PRKN: variants seen among roughly 807,000 people sequenced by gnomAD.
PRKN encodes parkin RBR E3 ubiquitin protein ligase, also known as E3 ubiquitin-protein ligase parkin.
In PRKN, 56 loss-of-function variants were observed where a neutral mutation model predicts 59.5. The ratio of observed to expected loss-of-function variants is 0.94; its 90% CI spans 0.76 to 1.18. The LOEUF (loss-of-function observed/expected upper bound fraction) is 1.18. PRKN is among the 50% of genes most tolerant of loss of function. PRKN has a pLI of 0.00. For synonymous variants in PRKN, 250 were observed against 222.1 expected (o/e 1.13, Z -1.12); for missense variants, 657 against 596.4 (o/e 1.10, Z -1.06).
intron 7 of PRKN, among the ~76,000 whole-genome samples, chr6:161,680,765 A>T (rs1239013357): frequency 0.084 from 914 of 10,840 alleles, 97 homozygotes; most frequent in African/African-American, 0.25. Flanking sequence ...ATATATATAT[A>T]TATATATATA....
chr6:161,873,551 C>A (rs1216400367), intron 6 of PRKN, among the ~76,000 whole-genome samples: 1 of 151,870 alleles, frequency 6.6e-6, no homozygotes, highest in Non-Finnish European at 1.5e-5. Flanking sequence ...ACGAGTCACA[C>A]TGACAGCCAG....
chr6:162,420,848 G>A (rs915936104), intron 2 of PRKN, among the ~76,000 whole-genome samples: 3 of 152,098 alleles, frequency 2.0e-5, no homozygotes, highest in Non-Finnish European at 2.9e-5. Flanking sequence ...AGTCAGCAGC[G>A]GTTGGAACTC....
Position 161,502,238 on chromosome 6 carries a change from C to A in PRKN, c.1083+46616G>T, listed in dbSNP as rs9365295. ...TTAAGTTTGCACTCTTTGGGAGAGGCACTACTCCTATCCCTATGTTATAGC... is the reference window on the plus strand; with the variant it reads ...TTAAGTTTGCACTCTTTGGGAGAGGAACTACTCCTATCCCTATGTTATAGC... On this transcript the variant is annotated intron_variant, in intron 9 of 11. Coordinates refer to ENST00000366898, the MANE Select transcript of PRKN (RefSeq NM_004562.3). This position sits in a 1 kb window ranked among gnomAD's most constrained non-coding sequence, Gnocchi z 4.0. Among the ~76,000 whole-genome samples the A allele has an allele frequency of 1.3e-5, 2 of 152,238 alleles. No homozygotes were observed. The highest frequency in any genetic ancestry group is 1.9e-4 in the East Asian group (1 of 5,164).
At chr6:161,861,123 A>G (rs1793879146) in intron 6 of PRKN, among the ~76,000 whole-genome samples, 1 of 152,226 alleles carries the variant, frequency 6.6e-6, no homozygotes, top group Admixed American at 6.5e-5. Flanking sequence ...ATAAAGACAC[A>G]TGCACACGTA....
intron 3 of PRKN, among the ~76,000 whole-genome samples, chr6:162,231,814 A>G (rs1319388280): frequency 6.6e-6 from 1 of 152,182 alleles, no homozygotes; most frequent in Non-Finnish European, 1.5e-5. Flanking sequence ...TACATCCCAG[A>G]GAGAGAAAAA....
rs200409552 is a variant in PRKN, at chr6:161,548,843, G to A, written c.1083+11C>T. Reference sequence around the variant, plus strand: ...GGAACACACCGCTCCAGGGGTGTGGGCAGTACTCACCCCACAGCCCAGGCC... The same window carrying A: ...GGAACACACCGCTCCAGGGGTGTGGACAGTACTCACCCCACAGCCCAGGCC... On this transcript the variant is annotated intron_variant, in intron 9 of 11. Transcript: ENST00000366898. The surrounding 1 kb of genome is among the most constrained non-coding windows in gnomAD (Gnocchi z 4.2). 8.7e-6 allele frequency: 14 copies of A among 1,613,212 alleles called. No homozygotes were observed. In the South Asian group the frequency reaches 1.5e-4, roughly 18 times the overall value.
chr6:161,505,241 A>G (rs1416117494), intron 9 of PRKN, among the ~76,000 whole-genome samples: 2 of 152,070 alleles, frequency 1.3e-5, no homozygotes, highest in Non-Finnish European at 2.9e-5. Flanking sequence ...ATGATATCTC[A>G]TTGTGGTTTT....
intron 1 of PRKN, among the ~76,000 whole-genome samples, chr6:162,460,717 A>C (rs1295222447): frequency 6.6e-6 from 1 of 152,192 alleles, no homozygotes; most frequent in African/African-American, 2.4e-5. Flanking sequence ...CTATTAGAGA[A>C]AACTGTAATC....
chr6:161,482,167 C>T (rs1476234994), intron 9 of PRKN, among the ~76,000 whole-genome samples: 1 of 152,046 alleles, frequency 6.6e-6, no homozygotes, highest in Non-Finnish European at 1.5e-5. Context: ...AAATAGATAA[C>T]ATAAAAACAA....
At chr6:162,282,287 G>A (rs111561849) in intron 2 of PRKN, among the ~76,000 whole-genome samples, 1,922 of 152,088 alleles carry the variant, frequency 0.013, 42 homozygotes, top group African/African-American at 0.041. Context: ...CCATATTACA[G>A]TCTTCAAACA....
At chr6:161,815,817 G>T (rs1030910431) in intron 6 of PRKN, among the ~76,000 whole-genome samples, 1 of 152,214 alleles carries the variant, frequency 6.6e-6, no homozygotes, top group African/African-American at 2.4e-5. Flanking sequence ...TGAGCAGAGA[G>T]AGCTGCACAG....
At chr6:161,874,796 ATGT>A (rs1794622099) in intron 6 of PRKN, among the ~76,000 whole-genome samples, 2 of 115,024 alleles carry the variant, frequency 1.7e-5, no homozygotes, top group African/African-American at 7.3e-5. Flanking sequence ...AATAAATAAA[ATGT>A]ATAAGATATA....
chr6:162,680,871 T>C (rs2128232671), intron 1 of PRKN, among the ~76,000 whole-genome samples: 1 of 152,296 alleles, frequency 6.6e-6, no homozygotes, highest in Non-Finnish European at 1.5e-5. Flanking sequence ...ATATTTAATA[T>C]AAACTGTTTT....
At chr6:162,550,861 C>A (rs1235530949) in intron 1 of PRKN, among the ~76,000 whole-genome samples, 1 of 152,096 alleles carries the variant, frequency 6.6e-6, no homozygotes, top group Non-Finnish European at 1.5e-5. Context: ...ACTGGAGTGG[C>A]GTGTGAGGTA....
At chr6:162,345,672 G>A (rs188669200) in intron 2 of PRKN, among the ~76,000 whole-genome samples, 1 of 152,172 alleles carries the variant, frequency 6.6e-6, no homozygotes, top group Non-Finnish European at 1.5e-5. Flanking sequence ...TTAGCATACA[G>A]AAATGCAATT....
chr6:161,753,349 G>GTGT (rs1223398042), intron 7 of PRKN, among the ~76,000 whole-genome samples: 7 of 152,214 alleles, frequency 4.6e-5, no homozygotes, highest in African/African-American at 1.7e-4. Flanking sequence ...GTGAGGATTA[G>GTGT]TGTTACTATC....
At chr6:162,249,230 A>C (rs576781561) in intron 3 of PRKN, among the ~76,000 whole-genome samples, 2 of 152,334 alleles carry the variant, frequency 1.3e-5, no homozygotes, top group African/African-American at 2.4e-5. Context: ...GCATCCTTCG[A>C]AAGGCAGAAA....
chr6:161,721,463 A>T (rs1466692501), intron 7 of PRKN, among the ~76,000 whole-genome samples: 1 of 152,180 alleles, frequency 6.6e-6, no homozygotes. Flanking sequence ...CTAAAAACGG[A>T]GATGCCAGAT....
chr6:162,697,892 G>C (rs991879155), intron 1 of PRKN, among the ~76,000 whole-genome samples: 9 of 152,128 alleles, frequency 5.9e-5, no homozygotes, highest in Non-Finnish European at 5.9e-5. Context: ...AATTGGATAA[G>C]CAATGAATAA....
Sources: allele counts gnomAD v4.1 joint callset (sites outside exome capture counted in the v4.1 genomes callset), GRCh38; gene constraint gnomAD v4.1.1; non-coding constraint Gnocchi (gnomAD v3.1); transcripts MANE v1.5; gene names NCBI Gene and HGNC (gene_info 2026-07-23, HGNC 2026-07-21).